Variants in ABLIM3 observed in about 807,000 individuals in gnomAD.
The protein encoded by ABLIM3 is actin binding LIM protein family member 3.
A neutral mutation model predicts 109.5 loss-of-function variants in ABLIM3; 61 were observed. The observed-to-expected ratio is 0.56, with a 90% CI of 0.45 to 0.69. The LOEUF (loss-of-function observed/expected upper bound fraction) is 0.69, where lower values mean the gene tolerates loss of function less well. ABLIM3 is among the 30% of genes least tolerant of loss of function. The probability of loss-of-function intolerance (pLI) is 0.00; values close to 1 mark genes in which losing one functional copy is unlikely to be tolerated. For synonymous variants in ABLIM3, 300 were observed against 324.8 expected (o/e 0.92, Z 0.82); for missense variants, 796 against 889.5 (o/e 0.89, Z 1.34).
chr5:149,155,488 A>G (rs1753797232), intron 2 of ABLIM3, among the ~76,000 whole-genome samples: 1 of 152,208 alleles, frequency 6.6e-6, no homozygotes, highest in South Asian at 2.1e-4. Context: ...AGGGAAGGAA[A>G]GAGTACAGAG....
At chr5:149,150,328 G>A (rs770424349) in intron 2 of ABLIM3, among the ~76,000 whole-genome samples, 11 of 152,166 alleles carry the variant, frequency 7.2e-5, no homozygotes, top group Non-Finnish European at 1.3e-4. Flanking sequence ...GCCCTCTCTA[G>A]AAATTCTACA....
Position 149,233,210 on chromosome 5 carries a change from G to A in ABLIM3, c.817-19G>A. 1.2e-6 allele frequency: 2 copies of A among 1,613,854 alleles called. No homozygotes were observed. Among genetic ancestry groups the A allele is most frequent in the Non-Finnish European group, 1.7e-6 (2 of 1,179,800 alleles). On this transcript the variant is annotated intron_variant, in intron 9 of 23. Transcript: ENST00000309868. ...CAGGTTGCAGCTTCTCACCTTTTCT[G>A]TCTTCATCTCTCTCACAGCATAGAC... is the stretch of plus-strand genomic sequence containing the variant.
At chr5:149,168,532 A>T (rs1345664980) in intron 2 of ABLIM3, among the ~76,000 whole-genome samples, 3 of 152,110 alleles carry the variant, frequency 2.0e-5, no homozygotes, top group Non-Finnish European at 2.9e-5. Context: ...CTGATGGGAG[A>T]TGGCTTTAAT....
intron 2 of ABLIM3, among the ~76,000 whole-genome samples, chr5:149,154,448 A>G (rs1220038654): frequency 6.6e-6 from 1 of 152,236 alleles, no homozygotes; most frequent in Non-Finnish European, 1.5e-5. Flanking sequence ...GCAGCATTTC[A>G]GGAACTGAAG....
At position 149,183,482 on chromosome 5, in the gene ABLIM3, G is replaced by A. The variant is rs775358909; in HGVS notation, c.44G>A (p.Arg15Gln). The A allele has an allele frequency of 4.0e-5, 64 of 1,580,678 alleles. No homozygotes were observed. The highest frequency in any genetic ancestry group is 3.4e-4 in the Middle Eastern group (2 of 5,952). ...IPYQQNPYNPRGSSNVIQCYR... is the reference protein window; with the variant it reads ...IPYQQNPYNPQGSSNVIQCYR... ...TATCAGCAGAATCCTTACAATCCAC[G>A]GGGCAGCTCCAATGTCATCCAGTGC... The change falls in exon 3 of 24, where the codon CGG (arginine) becomes CAG (glutamine). Residue 15 changes from arginine to glutamine, a missense_variant. Coordinates refer to ENST00000309868, the MANE Select transcript of ABLIM3 (RefSeq NM_014945.5).
At chr5:149,244,479 G>A (rs968505134) in intron 15 of ABLIM3, 6 of 191,608 alleles carry the variant, frequency 3.1e-5, no homozygotes, top group African/African-American at 2.3e-5. Flanking sequence ...CTTCTAAAGG[G>A]CTAGGAAGGC....
chr5:149,259,834 T>C lies in ABLIM3; in HGVS notation c.*1430T>C, dbSNP rs1247233164. On this transcript the variant is annotated 3_prime_UTR_variant, in exon 24 of 24. Transcript: ENST00000309868. ...AATGACTCTCAAGAGGCTGGCGATG[T>C]GACATGGCAAATGTAGAACTGACTT... 3 of 548,356 alleles carry C rather than the reference T, an allele frequency of 5.5e-6. No homozygotes were observed. Among genetic ancestry groups the C allele is most frequent in the Non-Finnish European group, 9.8e-6 (3 of 305,848 alleles). The allele number at this position is 548,356 out of a possible 1,614,324, so 34.0% of individuals were successfully genotyped here.
chr5:149,249,083 A>G (rs1753691144), intron 18 of ABLIM3, among the ~76,000 whole-genome samples: 2 of 152,190 alleles, frequency 1.3e-5, no homozygotes, highest in Non-Finnish European at 2.9e-5. Context: ...CACCCACTTT[A>G]TAGATGAGAG....
intron 6 of ABLIM3, among the ~76,000 whole-genome samples, chr5:149,210,331 C>T (rs1190976516): frequency 6.6e-6 from 1 of 152,228 alleles, no homozygotes; most frequent in African/African-American, 2.4e-5. Flanking sequence ...TAGGTTTTCT[C>T]ACCTACACAA....
intron 9 of ABLIM3, among the ~76,000 whole-genome samples, chr5:149,232,413 G>A (rs1408268816): frequency 1.3e-5 from 2 of 152,158 alleles, no homozygotes; most frequent in Non-Finnish European, 2.9e-5. Context: ...TGAAACGTTA[G>A]ATTTTACTCT....
At chr5:149,146,152 G>C (rs769520144) in intron 2 of ABLIM3, among the ~76,000 whole-genome samples, 1 of 151,980 alleles carries the variant, frequency 6.6e-6, no homozygotes, top group African/African-American at 2.4e-5. Flanking sequence ...TTTTGGGGGC[G>C]TGGGGTTTGT....
intron 8 of ABLIM3, among the ~76,000 whole-genome samples, chr5:149,222,185 T>G (rs2918274): frequency 0.5 from 75,293 of 151,130 alleles, 19,426 homozygotes; most frequent in East Asian, 0.63. Context: ...GTTGGTATAC[T>G]TTGAGCATTT....
chr5:149,239,415 C>T (rs879111825), intron 12 of ABLIM3, 138 bp downstream of exon 12: 5 of 966,150 alleles, frequency 5.2e-6, no homozygotes, highest in East Asian at 4.9e-5. Flanking sequence ...TGGAGAGACT[C>T]GGGTGCATGT....
chr5:149,206,850 C>A (rs903161731), intron 5 of ABLIM3, among the ~76,000 whole-genome samples, 158 bp from the exon 6 acceptor site: 2 of 148,360 alleles, frequency 1.3e-5, no homozygotes, highest in Non-Finnish European at 3.0e-5. Flanking sequence ...GTGGCTTTTT[C>A]TCTCCCCTGG....
rs1018060517 is a variant in ABLIM3 at position 149,183,601 on chromosome 5, A to G, written c.151+12A>G. On this transcript the variant is annotated intron_variant, in intron 3 of 23. Coordinates refer to ENST00000309868, the MANE Select transcript of ABLIM3 (RefSeq NM_014945.5). ...CTTCACCTGTCAAGGTAGGAGGCTC[A>G]GCTCCCCCACTCTCTTCTTAGATTC... is the stretch of plus-strand genomic sequence containing the variant. 3.3e-6 allele frequency: 5 copies of G among 1,522,474 alleles called. No homozygotes were observed. The highest frequency in any genetic ancestry group is 4.4e-6 in the Non-Finnish European group (5 of 1,134,260). The allele number at this position is 1,522,474 out of a possible 1,614,324, so 94.3% of individuals were successfully genotyped here.
rs967104026 is a variant in ABLIM3 at position 149,251,520 on chromosome 5, C to T, written c.1849+101C>T. On this transcript the variant is annotated intron_variant, in intron 21 of 23. Transcript: ENST00000309868. ...GGCAAATGATGGCTACAGATTCTGT[C>T]CCCACGCTGGGCTGTGTCCAACCCT... is the stretch of plus-strand genomic sequence containing the variant. 17 of 1,370,904 alleles carry T rather than the reference C, an allele frequency of 1.2e-5. No individual in the cohort carries two copies. In the African/African-American group the frequency reaches 2.4e-4, roughly 20 times the overall value. The allele number at this position is 1,370,904 out of a possible 1,614,324, so 84.9% of individuals were successfully genotyped here. A position where few individuals can be genotyped will look rare whatever the true frequency, so the allele number is the denominator to read the frequency against.
chr5:149,258,263 C>CCCCCCCCCCCCGCCCCGCCCCCCT, intron 23 of ABLIM3, 28 bp from the exon 24 acceptor site: 1 of 1,604,216 alleles, frequency 6.2e-7, no homozygotes, highest in Non-Finnish European at 8.5e-7. Flanking sequence ...CTCTGTCCCC[C>CCCCCCCCCCCCGCCCCGCCCCCCT]CACCCCCGCC....
In ABLIM3 at chr5:149,198,272, A is replaced by G. The variant is rs1204664020; in HGVS notation, c.205A>G (p.Ile69Val). The G allele has an allele frequency of 1.9e-6, 3 of 1,614,210 alleles. No individual in the cohort carries two copies. Among genetic ancestry groups the G allele is most frequent in the Non-Finnish European group, 2.5e-6 (3 of 1,180,024 alleles). ...CTTCTTCTTCAAGAACCAGGAGTAC[A>G]TCTGCACCCAGGACTACCAGCAACT... ...SGFFFKNQEY[I>V]CTQDYQQLYG... Residue 69 changes from isoleucine (I) to valine (V), a missense_variant, in exon 4 of 24, where the codon ATC (isoleucine) becomes GTC (valine). Transcript: ENST00000309868. This position sits in a 1 kb window ranked among gnomAD's most constrained non-coding sequence, Gnocchi z 4.2.
intron 2 of ABLIM3, among the ~76,000 whole-genome samples, chr5:149,149,725 T>C (rs551282823): frequency 6.6e-6 from 1 of 152,344 alleles, no homozygotes; most frequent in East Asian, 1.9e-4. Flanking sequence ...AGGAGGATTC[T>C]ATTAGGTAGG....
Sources: gnomAD v4.1 joint callset for allele counts (sites outside exome capture counted in the v4.1 genomes callset) on GRCh38, gnomAD v4.1.1 for gene constraint, Gnocchi (gnomAD v3.1) non-coding constraint, MANE v1.5 for transcripts, NCBI Gene and HGNC (gene_info 2026-07-23, HGNC 2026-07-21) for gene names.